RGS9: variants seen among roughly 807,000 people sequenced by gnomAD.
RGS9 encodes regulator of G-protein signalling 9.
A neutral mutation model predicts 102.0 loss-of-function variants in RGS9; 78 were observed. The ratio of observed to expected loss-of-function variants is 0.76; its 90% CI spans 0.64 to 0.92. The LOEUF (loss-of-function observed/expected upper bound fraction) is 0.92. RGS9 is among the 40% of genes least tolerant of loss of function. The pLI is 0.00. For synonymous variants in RGS9, 353 were observed against 318.6 expected (o/e 1.11, Z -1.15); for missense variants, 833 against 866.1 (o/e 0.96, Z 0.48).
intron 1 of RGS9, among the ~76,000 whole-genome samples, chr17:65,141,160 C>T (rs1015281576): frequency 2.0e-5 from 3 of 152,216 alleles, no homozygotes; most frequent in Non-Finnish European, 4.4e-5. Flanking sequence ...GATGCCTGGG[C>T]TCGTTTCAGA....
At chr17:65,212,006 C>A (rs888235962) in intron 17 of RGS9, among the ~76,000 whole-genome samples, 1 of 152,218 alleles carries the variant, frequency 6.6e-6, no homozygotes, top group East Asian at 1.9e-4. Context: ...GTGGCCTAGG[C>A]TGAGATGAGT....
At position 65,173,030 on chromosome 17, in the gene RGS9, C is replaced by T. The variant is rs1037993118; in HGVS notation, c.583-4702C>T. Among the ~76,000 whole-genome samples the T allele has an allele frequency of 4.0e-5, 6 of 151,898 alleles. No homozygotes were observed. Among genetic ancestry groups the T allele is most frequent in the East Asian group, 1.9e-4 (1 of 5,148 alleles). On this transcript the variant is annotated intron_variant, in intron 8 of 18. Transcript: ENST00000262406. This position sits in a 1 kb window ranked among gnomAD's most constrained non-coding sequence, Gnocchi z 4.8. ...CTTCGCCTCCTGGGTTCCAGCGATT[C>T]TCCTGCCTCAGCCTGCCGAGTAGCT...
At chr17:65,163,735 G>A (rs1271197165) in intron 7 of RGS9, among the ~76,000 whole-genome samples, 1 of 152,166 alleles carries the variant, frequency 6.6e-6, no homozygotes, top group Non-Finnish European at 1.5e-5. Flanking sequence ...GAAGAGGAGA[G>A]GTGTGGTGAG....
At chr17:65,162,775 C>T (rs1166080208) in intron 6 of RGS9, among the ~76,000 whole-genome samples, 1 of 152,080 alleles carries the variant, frequency 6.6e-6, no homozygotes, top group African/African-American at 2.4e-5. Flanking sequence ...GGCCGGGATA[C>T]ATTTATTTTT....
chr17:65,225,278 G>A lies in RGS9; in HGVS notation c.1684G>A (p.Asp562Asn), dbSNP rs369227084. The change falls in exon 18 of 19, where the codon GAC becomes AAC. Residue 562 changes from aspartate (D) to asparagine (N), a missense_variant. Physicochemically the swap from Asp to Asn is conservative, Grantham distance 23. Around this residue, in one of 3 missense-constraint regions of RGS9, gnomAD observed 320 missense variants for 276.8 expected, o/e 1.16. Transcript: ENST00000262406. ...SVTESSEASL[D>N]TSWPRSRPRA... Reference sequence around the variant, plus strand: ...CACCGAGAGCAGCGAGGCCTCCCTCGACACCTCCTGGCCTCGCAGCCGGCC... The same window carrying A: ...CACCGAGAGCAGCGAGGCCTCCCTCAACACCTCCTGGCCTCGCAGCCGGCC... The A allele has an allele frequency of 6.8e-6, 11 of 1,608,594 alleles. No individual in the cohort carries two copies. Among genetic ancestry groups the A allele is most frequent in the South Asian group, 3.3e-5 (3 of 91,046 alleles).
At position 65,177,714 on chromosome 17, in the gene RGS9, T is replaced by A; in HGVS notation, c.583-18T>A. ...GACTCTCCCTGTAATGACCTTATGT[T>A]GTTTTTATTCCATTTAGCCTGGAAT... On this transcript the variant is annotated intron_variant, in intron 8 of 18. Coordinates refer to ENST00000262406, the MANE Select transcript of RGS9 (RefSeq NM_003835.4). 2 of 1,612,766 alleles carry A rather than the reference T, an allele frequency of 1.2e-6. No homozygotes were observed. Among genetic ancestry groups the A allele is most frequent in the Non-Finnish European group, 1.7e-6 (2 of 1,178,718 alleles).
At chr17:65,171,137 G>A (rs1911406017) in intron 8 of RGS9, among the ~76,000 whole-genome samples, 1 of 152,192 alleles carries the variant, frequency 6.6e-6, no homozygotes, top group Non-Finnish European at 1.5e-5. Flanking sequence ...AGAGTGAGAC[G>A]TGGCCTGCTG....
intron 15 of RGS9, among the ~76,000 whole-genome samples, chr17:65,206,922 A>C (rs1218985000): frequency 6.6e-6 from 1 of 152,160 alleles, no homozygotes; most frequent in East Asian, 1.9e-4. Flanking sequence ...CATAACTTTT[A>C]CTGCTCCCAC....
At chr17:65,205,634 G>T (rs1913028495) in intron 15 of RGS9, among the ~76,000 whole-genome samples, 1 of 151,730 alleles carries the variant, frequency 6.6e-6, no homozygotes, top group African/African-American at 2.4e-5. Flanking sequence ...TGTGATATAG[G>T]CTATCTGATA....
chr17:65,138,010 A>G (rs1254121154), intron 1 of RGS9, among the ~76,000 whole-genome samples: 1 of 152,230 alleles, frequency 6.6e-6, no homozygotes, highest in Non-Finnish European at 1.5e-5. Context: ...TAGACCATGA[A>G]AACGGGGTGA....
intron 1 of RGS9, among the ~76,000 whole-genome samples, chr17:65,140,302 A>G (rs1910109645): frequency 6.6e-6 from 1 of 152,118 alleles, no homozygotes; most frequent in Admixed American, 6.6e-5. Flanking sequence ...CAGAGCTGAG[A>G]CCTGAAGGAT....
rs993959757 is a variant in RGS9 at position 65,170,048 on chromosome 17, C to CTTTT, written c.582+1786_582+1789dup. Among the ~76,000 whole-genome samples, 224 of 122,006 alleles carry CTTTT rather than the reference C, an allele frequency of 1.8e-3. 2 individuals are homozygous for CTTTT. Among genetic ancestry groups the CTTTT allele is most frequent in the African/African-American group, 4.5e-3 (141 of 31,284 alleles). The allele number at this position is 122,006 out of a possible 152,430, so 80.0% of individuals were successfully genotyped here. On this transcript the variant is annotated intron_variant, in intron 8 of 18. Coordinates refer to ENST00000262406, the MANE Select transcript of RGS9 (RefSeq NM_003835.4). ...GGCACTGTGCTAAGCCTTCTGCATT[C>CTTTT]TTTTTTTTTTTTTTTTTTTTTTCTG...
chr17:65,189,347 G>C (rs768758791), intron 10 of RGS9, 32 bp downstream of exon 10: 18 of 1,549,538 alleles, frequency 1.2e-5, no homozygotes, highest in Non-Finnish European at 1.5e-5. Context: ...GTGAAGAATG[G>C]TTTTAAATCT....
intron 9 of RGS9, among the ~76,000 whole-genome samples, chr17:65,187,942 A>G (rs1912191455): frequency 6.6e-6 from 1 of 152,136 alleles, no homozygotes; most frequent in Admixed American, 6.5e-5. Flanking sequence ...GTTGCAGTAA[A>G]CTGAGATCAC....
chr17:65,194,760 C>T (rs537061816), intron 12 of RGS9, among the ~76,000 whole-genome samples: 1 of 152,118 alleles, frequency 6.6e-6, no homozygotes, highest in South Asian at 2.1e-4. Flanking sequence ...AGGGACAGGC[C>T]TGAGTGTGTG....
rs371763831 is a variant in RGS9 at position 65,202,021 on chromosome 17, C to T, written c.1005C>T (p.Cys335=). Residue 335 remains cysteine (C), a synonymous_variant, in exon 14 of 19, where the codon TGC becomes TGT. Transcript: ENST00000262406. Reference sequence around the variant, plus strand: ...AGAATCTGGGATTCTGGGAAGCCTGCGAGGATCTGAAGTATGGAGATCAGT... The same window carrying T: ...AGAATCTGGGATTCTGGGAAGCCTGTGAGGATCTGAAGTATGGAGATCAGT... The part of the protein sequence containing the change: ...SGENLGFWEA[C]EDLKYGDQSK... The T allele has an allele frequency of 8.7e-5, 141 of 1,613,206 alleles. No homozygotes were observed. Among genetic ancestry groups the T allele is most frequent in the East Asian group, 1.6e-4 (7 of 44,864 alleles).
At chr17:65,159,562 G>T (rs1910900069) in intron 3 of RGS9, among the ~76,000 whole-genome samples, 1 of 152,104 alleles carries the variant, frequency 6.6e-6, no homozygotes, top group South Asian at 2.1e-4. Flanking sequence ...TCCTTGGGCT[G>T]GGGGGTCCTG....
intron 12 of RGS9, among the ~76,000 whole-genome samples, chr17:65,195,142 G>A (rs924879948): frequency 2.0e-5 from 3 of 152,180 alleles, no homozygotes. Context: ...TGAGAGAGGC[G>A]ACCTGTGTCT....
chr17:65,138,352 T>G (rs1318996488), intron 1 of RGS9, among the ~76,000 whole-genome samples: 1 of 152,188 alleles, frequency 6.6e-6, no homozygotes, highest in Non-Finnish European at 1.5e-5. Flanking sequence ...TAGCCACTTT[T>G]CACAGCGTAG....
Sources: allele counts gnomAD v4.1 joint callset (sites outside exome capture counted in the v4.1 genomes callset), GRCh38; gene constraint gnomAD v4.1.1; regional missense constraint gnomAD v4.1.1; non-coding constraint Gnocchi (gnomAD v3.1); transcripts MANE v1.5; gene names NCBI Gene and HGNC (gene_info 2026-07-23, HGNC 2026-07-21).